The following AGBL1 variants were observed in gnomAD, a reference collection of about 807,000 sequenced individuals.
The protein encoded by AGBL1 is AGBL carboxypeptidase 1.
A neutral mutation model predicts 118.9 loss-of-function variants in AGBL1; 130 were observed. The observed-to-expected ratio is 1.09, with a 90% CI of 0.95 to 1.26. The LOEUF (loss-of-function observed/expected upper bound fraction) is 1.26, where lower values mean the gene tolerates loss of function less well. AGBL1 is among the 50% of genes most tolerant of loss of function. The pLI, the probability that AGBL1 is intolerant of heterozygous loss-of-function variation, is 0.00. For missense variants in AGBL1, 1,584 were observed against 1,298.1 expected (o/e 1.22, Z -3.38); for synonymous variants, 555 against 478.9 (o/e 1.16, Z -2.08).
intron 18 of AGBL1, among the ~76,000 whole-genome samples, chr15:86,402,544 T>A (rs983125567): frequency 6.6e-6 from 1 of 152,132 alleles, no homozygotes; most frequent in East Asian, 1.9e-4. Context: ...GTGAAAGAAA[T>A]GTCCTGTGTG....
intron 21 of AGBL1, among the ~76,000 whole-genome samples, chr15:86,555,691 G>T (rs1175002610): frequency 6.6e-6 from 1 of 152,118 alleles, no homozygotes; most frequent in Non-Finnish European, 1.5e-5. Flanking sequence ...GGCATCAAGA[G>T]ATCTCACTCT....
At chr15:86,403,575 C>T (rs2081479067) in intron 18 of AGBL1, among the ~76,000 whole-genome samples, 1 of 152,170 alleles carries the variant, frequency 6.6e-6, no homozygotes, top group African/African-American at 2.4e-5. Context: ...TCACAGAATC[C>T]ATCTAAAAAA....
chr15:86,564,065 G>T (rs1273841274), intron 21 of AGBL1, among the ~76,000 whole-genome samples: 2 of 152,158 alleles, frequency 1.3e-5, no homozygotes, highest in Non-Finnish European at 2.9e-5. Flanking sequence ...GCACACGGAT[G>T]GGTCTTGACT....
At chr15:86,220,466 T>C (rs1192167405) in intron 5 of AGBL1, among the ~76,000 whole-genome samples, 4 of 152,210 alleles carry the variant, frequency 2.6e-5, no homozygotes, top group African/African-American at 9.6e-5. Flanking sequence ...TCAAGACTCC[T>C]CTGTAATGGC....
At chr15:86,368,482 G>A (rs896449016) in intron 17 of AGBL1, among the ~76,000 whole-genome samples, 3 of 152,126 alleles carry the variant, frequency 2.0e-5, no homozygotes, top group African/African-American at 7.2e-5. Context: ...TGCTCAAAGT[G>A]ACAAATGAAG....
In AGBL1 at chr15:86,942,356, A is replaced by C. The variant is rs76153761; in HGVS notation, c.3222-45631A>C. Among the ~76,000 whole-genome samples the C allele has an allele frequency of 3.8e-3, 584 of 152,278 alleles. 6 individuals carry two copies. The highest frequency in any genetic ancestry group is 0.014 in the African/African-American group (567 of 41,558). On this transcript the variant is annotated intron_variant, in intron 23 of 24. Coordinates refer to the AGBL1 transcript ENST00000441037. ...TTCTACTCCTGGAAGGGCTCATTTGACATTTCTTCTAGATTCCCTGACTCT... is the reference window on the plus strand; with the variant it reads ...TTCTACTCCTGGAAGGGCTCATTTGCCATTTCTTCTAGATTCCCTGACTCT...
intron 18 of AGBL1, among the ~76,000 whole-genome samples, chr15:86,497,111 C>T (rs1309381668): frequency 6.6e-6 from 1 of 151,986 alleles, no homozygotes; most frequent in Admixed American, 6.6e-5. Flanking sequence ...CACTCTTTCT[C>T]ATCTTCTGTG....
intron 24 of AGBL1, among the ~76,000 whole-genome samples, chr15:87,003,612 T>C (rs2081464936): frequency 6.6e-6 from 1 of 152,136 alleles, no homozygotes; most frequent in Non-Finnish European, 1.5e-5. Flanking sequence ...GGTCCTGGAC[T>C]TTTTTTGGTT....
intron 9 of AGBL1, among the ~76,000 whole-genome samples, chr15:86,262,198 T>C (rs947786521): frequency 6.6e-6 from 1 of 151,084 alleles, no homozygotes; most frequent in Non-Finnish European, 1.5e-5. Flanking sequence ...TCATTCTCTT[T>C]TATCATTTCA....
intron 17 of AGBL1, among the ~76,000 whole-genome samples, chr15:86,349,267 A>C (rs181401575): frequency 6.6e-5 from 10 of 152,238 alleles, no homozygotes; most frequent in Non-Finnish European, 1.3e-4. Flanking sequence ...GTGGAAACAA[A>C]TACCTAGGAA....
chr15:86,397,403 T>C lies in AGBL1; in HGVS notation c.2412T>C (p.His804=). 6.2e-7 allele frequency: 1 copy of C among 1,612,678 alleles called. No homozygotes were observed. The highest frequency in any genetic ancestry group is 8.5e-7 in the Non-Finnish European group (1 of 1,179,106). Residue 804 remains histidine (H), a synonymous_variant, in exon 18 of 23, where the codon CAT becomes CAC. Transcript: ENST00000614907. ...RPYQVITARV[H]PGESNASWVM... is the part of the protein sequence containing the mutation. ...ATCAGGTGATCACTGCTCGAGTTCA[T>C]CCAGGAGAGAGCAATGCCAGTTGGG...
At chr15:86,944,359 A>G (rs1262900597) in intron 23 of AGBL1, among the ~76,000 whole-genome samples, 1 of 152,002 alleles carries the variant, frequency 6.6e-6, no homozygotes, top group Non-Finnish European at 1.5e-5. Context: ...AGCCTGGGCA[A>G]AAAGTGAAAC....
chr15:86,530,218 C>A (rs1487105621), intron 19 of AGBL1, among the ~76,000 whole-genome samples: 1 of 138,746 alleles, frequency 7.2e-6, no homozygotes, highest in East Asian at 2.0e-4. Flanking sequence ...AAACCCATCT[C>A]ACGTGCAGAG....
At chr15:86,316,465 G>A (rs1016409521) in intron 17 of AGBL1, among the ~76,000 whole-genome samples, 2 of 152,088 alleles carry the variant, frequency 1.3e-5, no homozygotes, top group Non-Finnish European at 2.9e-5. Context: ...GAAGCCTGAC[G>A]GCCCTGGCTC....
intron 10 of AGBL1, 70 bp from the exon 11 acceptor site, chr15:86,264,188 A>T: frequency 1.3e-5 from 16 of 1,267,962 alleles, no homozygotes; most frequent in Non-Finnish European, 1.6e-5. Context: ...GAGAGTAAGG[A>T]CAGGGATCAA....
At chr15:86,968,426 TTACAA>T (rs1292705158) in intron 23 of AGBL1, among the ~76,000 whole-genome samples, 2 of 151,888 alleles carry the variant, frequency 1.3e-5, no homozygotes. Context: ...GCTCCAAAAC[TTACAA>T]TTAATTGCTT....
At chr15:86,629,712 G>A (rs1274633227) in intron 21 of AGBL1, among the ~76,000 whole-genome samples, 4 of 151,874 alleles carry the variant, frequency 2.6e-5, no homozygotes, top group African/African-American at 9.7e-5. Context: ...ATAAATCTAG[G>A]CAGCATTGAA....
chr15:86,805,200 T>A (rs765560900), intron 22 of AGBL1, among the ~76,000 whole-genome samples: 5 of 152,054 alleles, frequency 3.3e-5, no homozygotes, highest in Non-Finnish European at 5.9e-5. Context: ...TTTCTTTTTT[T>A]TTTTCCTATT....
chr15:86,770,950 G>A (rs573840082), intron 22 of AGBL1, among the ~76,000 whole-genome samples: 4 of 152,176 alleles, frequency 2.6e-5, no homozygotes, highest in African/African-American at 9.6e-5. Flanking sequence ...ATGTGGCCAT[G>A]TGACTGAGTG....
Sources: gnomAD v4.1 joint callset for allele counts (sites outside exome capture counted in the v4.1 genomes callset) on GRCh38, gnomAD v4.1.1 for gene constraint, MANE v1.5 for transcripts, NCBI Gene and HGNC (gene_info 2026-07-23, HGNC 2026-07-21) for gene names.